Variants in GRHL1 observed in about 807,000 individuals in gnomAD.
The protein encoded by GRHL1 is grainyhead like transcription factor 1, also known as grainyhead-like protein 1 homolog.
GRHL1 carries 38 observed loss-of-function variants against 75.7 expected under a neutral mutation model. The ratio of observed to expected loss-of-function variants is 0.50; its 90% CI spans 0.39 to 0.66. The LOEUF (loss-of-function observed/expected upper bound fraction) is 0.66. Ranked by LOEUF, GRHL1 falls within the 30% of genes least tolerant of loss-of-function variation. The pLI is 0.00. For missense variants in GRHL1, 589 were observed against 767.5 expected (o/e 0.77, Z 2.75); for synonymous variants, 266 against 279.4 (o/e 0.95, Z 0.48).
chr2:9,958,948 A>G, intron 3 of GRHL1, 92 bp downstream of exon 3: 2 of 1,533,076 alleles, frequency 1.3e-6, no homozygotes, highest in East Asian at 2.4e-5. Flanking sequence ...ATGAACAACC[A>G]CTAGTGAAAG....
chr2:9,975,751 T>C (rs1426541803), intron 8 of GRHL1, among the ~76,000 whole-genome samples: 1 of 150,354 alleles, frequency 6.7e-6, no homozygotes, highest in East Asian at 1.9e-4. Context: ...CTGAGTGTGG[T>C]GATGCGTGCC....
chr2:9,965,529 C>A, intron 8 of GRHL1, 148 bp downstream of exon 8: 1 of 596,312 alleles, frequency 1.7e-6, no homozygotes, highest in African/African-American at 1.9e-5. Context: ...TTTTTATTCT[C>A]CCCTCCTCCA....
chr2:9,994,310 A>ATTATTATT (rs1668762603), intron 12 of GRHL1, among the ~76,000 whole-genome samples: 1 of 139,184 alleles, frequency 7.2e-6, no homozygotes, highest in Non-Finnish European at 1.5e-5. Flanking sequence ...ACACCCATCT[A>ATTATTATT]ATTATTATTA....
chr2:9,953,117 C>T, intron 1 of GRHL1: 1 of 456,476 alleles, frequency 2.2e-6, no homozygotes, highest in Non-Finnish European at 4.4e-6. Flanking sequence ...CCAAAGCTAA[C>T]ATTTTGGCCT....
intron 8 of GRHL1, chr2:9,966,141 T>G (rs1446029629): frequency 1.3e-5 from 2 of 152,276 alleles, no homozygotes; most frequent in Non-Finnish European, 1.5e-5. Context: ...CTCACACTTG[T>G]AATCCCAGCA....
chr2:9,969,020 ATTTG>A (rs760728375), intron 8 of GRHL1, among the ~76,000 whole-genome samples: 10 of 152,196 alleles, frequency 6.6e-5, no homozygotes, highest in Non-Finnish European at 1.2e-4. Flanking sequence ...AATTGGGGCT[ATTTG>A]TTCTGCAACA....
Position 9,968,708 on chromosome 2 carries a change from G to T in GRHL1, c.1110+3327G>T, listed in dbSNP as rs528676650. On this transcript the variant is annotated intron_variant, in intron 8 of 15. Transcript: ENST00000324907. This position sits in a 1 kb window ranked among gnomAD's most constrained non-coding sequence, Gnocchi z 4.7. ...AGAGGCCTAGGAGCTGAGGGGAGGG[G>T]TGCATACAGCGAGATGGGAGAAAGA... is the stretch of plus-strand genomic sequence containing the variant. Among the ~76,000 whole-genome samples, 45 of 152,236 alleles carry T rather than the reference G, an allele frequency of 3.0e-4. No individual in the cohort carries two copies. Among genetic ancestry groups the T allele is most frequent in the Middle Eastern group, 3.4e-3 (1 of 292 alleles).
chr2:9,969,749 A>T (rs976026532), intron 8 of GRHL1, among the ~76,000 whole-genome samples: 2 of 151,740 alleles, frequency 1.3e-5, no homozygotes, highest in Non-Finnish European at 2.9e-5. Context: ...GCTACCCAGT[A>T]TGGCAGATGG....
intron 8 of GRHL1, chr2:9,965,690 T>TA (rs377088772): frequency 5.3e-5 from 17 of 322,736 alleles, no homozygotes; most frequent in African/African-American, 3.6e-4. Context: ...GTGGAGGTGA[T>TA]ATCTGTCTCC....
intron 2 of GRHL1, among the ~76,000 whole-genome samples, chr2:9,957,140 A>G (rs1667063684): frequency 6.6e-6 from 1 of 151,478 alleles, no homozygotes; most frequent in Admixed American, 6.6e-5. Flanking sequence ...AACTAGGATT[A>G]TAGGTCATGC....
chr2:9,970,556 G>A (rs943353174), intron 8 of GRHL1, among the ~76,000 whole-genome samples: 6 of 152,176 alleles, frequency 3.9e-5, no homozygotes, highest in Non-Finnish European at 8.8e-5. Context: ...TCTTGATGGC[G>A]TGATCTTATC....
chr2:9,964,382 G>A, intron 7 of GRHL1, 36 bp downstream of exon 7: 1 of 1,084,860 alleles, frequency 9.2e-7, no homozygotes. Flanking sequence ...ATTCCCAGAG[G>A]TGCAGCCATC....
Position 9,961,090 on chromosome 2 carries a change from G to A in GRHL1, c.323G>A (p.Gly108Glu). The change falls in exon 4 of 16, where the codon GGA becomes GAA. Residue 108 changes from glycine to glutamate, a missense_variant. Gly to Glu is a moderately conservative substitution (Grantham distance 98). Coordinates refer to ENST00000324907, the MANE Select transcript of GRHL1 (RefSeq NM_198182.3). The stretch of plus-strand genomic sequence containing the variant: ...ACAGAGCAGCCCCTCATCTCTGCTG[G>A]AGAAAACAGAGTGCAAGTACTGAAA... The part of the protein sequence containing the change: ...IVTEQPLISA[G>E]ENRVQVLKNV... 1 of 1,561,572 alleles carries A rather than the reference G, an allele frequency of 6.4e-7. No individual in the cohort carries two copies. Among genetic ancestry groups the A allele is most frequent in the Non-Finnish European group, 8.7e-7 (1 of 1,152,034 alleles).
chr2:9,971,396 A>G (rs1258398577), intron 8 of GRHL1, among the ~76,000 whole-genome samples: 2 of 152,204 alleles, frequency 1.3e-5, no homozygotes, highest in Admixed American at 6.5e-5. Flanking sequence ...ATTTAAAACT[A>G]AAGGGCATAC....
At chr2:9,969,678 C>G (rs902590546) in intron 8 of GRHL1, among the ~76,000 whole-genome samples, 2 of 152,062 alleles carry the variant, frequency 1.3e-5, no homozygotes, top group Non-Finnish European at 2.9e-5. Flanking sequence ...GGCCTGTGAG[C>G]CAGTAGGCAC....
At chr2:9,969,811 A>G (rs1404365054) in intron 8 of GRHL1, among the ~76,000 whole-genome samples, 2 of 151,398 alleles carry the variant, frequency 1.3e-5, no homozygotes, top group South Asian at 2.1e-4. Context: ...TCATCTGTGC[A>G]TAGGTATGAC....
rs1294987947 is a variant in GRHL1 at position 10,001,490 on chromosome 2, T to C, written c.*783T>C. 6.6e-6 allele frequency: 1 copy of C among 152,190 alleles called. No individual in the cohort carries two copies. Among genetic ancestry groups the C allele is most frequent in the Non-Finnish European group, 1.5e-5 (1 of 68,022 alleles). The allele number at this position is 152,190 out of a possible 1,614,324, so 9.4% of individuals were successfully genotyped here. ...GCAGTAAGAGCTACCTTAAAGACTT[T>C]CCCTAGACAAAGGTTAAGTTATTTT... On this transcript the variant is annotated 3_prime_UTR_variant, in exon 16 of 16. Transcript: ENST00000324907.
Position 9,985,664 on chromosome 2 carries a change from A to G in GRHL1, c.1111-460A>G, listed in dbSNP as rs1052215760. 5.3e-5 allele frequency among the ~76,000 whole-genome samples: 8 copies of G among 152,250 alleles called. No individual in the cohort carries two copies. The South Asian group carries it at 6.2e-4, about 12-fold the overall frequency. On this transcript the variant is annotated intron_variant, in intron 8 of 15. Transcript: ENST00000324907. ...TGTGGATTAGAGGAACACTGATGTC[A>G]TAAGTTCTAAAATATGAGGACACAG...
chr2:9,991,943 G>A (rs1184054880), intron 10 of GRHL1, 64 bp from the exon 11 acceptor site: 53 of 1,314,816 alleles, frequency 4.0e-5, no homozygotes, highest in Admixed American at 6.7e-5. Flanking sequence ...TCTGTGGCCT[G>A]CATCCAGTCT....
Sources: allele counts gnomAD v4.1 joint callset (sites outside exome capture counted in the v4.1 genomes callset), GRCh38; gene constraint gnomAD v4.1.1; non-coding constraint Gnocchi (gnomAD v3.1); transcripts MANE v1.5; gene names NCBI Gene and HGNC (gene_info 2026-07-23, HGNC 2026-07-21).